TBC1D32: variants seen among roughly 807,000 people sequenced by gnomAD.
TBC1D32 encodes protein broad-minded.
A neutral mutation model predicts 170.3 loss-of-function variants in TBC1D32; 151 were observed. The ratio of observed to expected loss-of-function variants is 0.89; its 90% CI spans 0.78 to 1.01. The LOEUF (loss-of-function observed/expected upper bound fraction) is 1.01, where lower values mean the gene tolerates loss of function less well. Among genes scored for constraint, TBC1D32 ranks in the 50% least tolerant of loss-of-function variants. TBC1D32 has a pLI of 0.00. For missense variants in TBC1D32, 1,464 were observed against 1,457.1 expected (o/e 1.00, Z -0.08); for synonymous variants, 498 against 488.0 (o/e 1.02, Z -0.27).
intron 24 of TBC1D32, among the ~76,000 whole-genome samples, chr6:121,149,096 G>A (rs1056009672): frequency 6.4e-4 from 97 of 152,108 alleles, no homozygotes; most frequent in Non-Finnish European, 2.1e-4. Context: ...CTCACTGTTT[G>A]ATGGGGTTGG....
At chr6:121,121,684 T>G (rs926947595) in intron 26 of TBC1D32, among the ~76,000 whole-genome samples, 2 of 152,068 alleles carry the variant, frequency 1.3e-5, no homozygotes, top group Non-Finnish European at 2.9e-5. Flanking sequence ...AGACACTAAT[T>G]GACACATTTT....
chr6:121,096,470 C>T (rs999410124), intron 30 of TBC1D32, among the ~76,000 whole-genome samples: 13 of 151,902 alleles, frequency 8.6e-5, no homozygotes, highest in African/African-American at 2.7e-4. Context: ...AATAAAATAC[C>T]TAGGAATACA....
chr6:121,128,524 T>C (rs1438242885), intron 25 of TBC1D32, among the ~76,000 whole-genome samples: 2 of 152,130 alleles, frequency 1.3e-5, no homozygotes, highest in African/African-American at 4.8e-5. Context: ...GATGTTACTG[T>C]CCAGAAAGTA....
intron 1 of TBC1D32, 61 bp downstream of exon 1, chr6:121,334,215 C>G: frequency 7.1e-7 from 1 of 1,413,146 alleles, no homozygotes; most frequent in Non-Finnish European, 9.8e-7. Context: ...ACTGTTGACC[C>G]TTCTCTGGAC....
chr6:121,192,580 C>T (rs1338338511), intron 22 of TBC1D32: 1 of 152,154 alleles, frequency 6.6e-6, no homozygotes, highest in African/African-American at 2.4e-5. Flanking sequence ...AAAACACATG[C>T]AAGCTCTTAT....
chr6:121,244,193 T>C (rs562472641), intron 17 of TBC1D32, among the ~76,000 whole-genome samples: 1 of 152,006 alleles, frequency 6.6e-6, no homozygotes, highest in East Asian at 1.9e-4. Flanking sequence ...AAAATTTATA[T>C]AATAAATAAA....
chr6:121,158,550 T>C (rs1785196267), intron 24 of TBC1D32, among the ~76,000 whole-genome samples: 1 of 152,084 alleles, frequency 6.6e-6, no homozygotes, highest in African/African-American at 2.4e-5. Flanking sequence ...GGGAAACTAG[T>C]GCATTTGGTT....
intron 17 of TBC1D32, among the ~76,000 whole-genome samples, chr6:121,247,695 CAAAAAAAAAA>C (rs34914027): frequency 2.1e-5 from 1 of 46,570 alleles, no homozygotes; most frequent in Non-Finnish European, 3.5e-5. Context: ...GGCTTTAAAG[CAAAAAAAAAA>C]AAAAAAAAAA....
At chr6:121,236,882 C>T (rs955044259) in intron 20 of TBC1D32, 19 of 152,084 alleles carry the variant, frequency 1.2e-4, no homozygotes, top group Admixed American at 2.0e-4. Flanking sequence ...ATAAACCCCA[C>T]TATGTATCAT....
At chr6:121,170,539 A>T in intron 22 of TBC1D32, 1 of 1,500,000 alleles carries the variant, frequency 6.7e-7, no homozygotes, top group Non-Finnish European at 8.9e-7. Context: ...TATATAAAAA[A>T]GAAAAATAAA....
At chr6:121,320,032 G>A (rs1020017967) in intron 2 of TBC1D32, among the ~76,000 whole-genome samples, 2 of 151,982 alleles carry the variant, frequency 1.3e-5, no homozygotes, top group East Asian at 1.9e-4. Context: ...CTCATTATAT[G>A]AGGAATAGTG....
chr6:121,176,755 C>G (rs550503510), intron 22 of TBC1D32, among the ~76,000 whole-genome samples: 7 of 152,176 alleles, frequency 4.6e-5, no homozygotes, highest in Admixed American at 1.3e-4. Flanking sequence ...CGCGCCACCA[C>G]GCCCAGCTAA....
intron 21 of TBC1D32, among the ~76,000 whole-genome samples, chr6:121,208,718 C>A (rs1948733): frequency 7.6e-6 from 1 of 132,318 alleles, no homozygotes. Flanking sequence ...CAACAAGACA[C>A]GAAACACCTG....
At chr6:121,144,927 A>C (rs746334853) in intron 24 of TBC1D32, among the ~76,000 whole-genome samples, 1 of 152,188 alleles carries the variant, frequency 6.6e-6, no homozygotes, top group Non-Finnish European at 1.5e-5. Context: ...ATTTTCTGGA[A>C]GTCAAATGAA....
At chr6:121,329,530 T>C (rs549467753) in intron 1 of TBC1D32, among the ~76,000 whole-genome samples, 6 of 152,182 alleles carry the variant, frequency 3.9e-5, no homozygotes, top group African/African-American at 1.4e-4. Flanking sequence ...CAAACACCTG[T>C]AATCTTAGCT....
intron 31 of TBC1D32, among the ~76,000 whole-genome samples, chr6:121,089,305 T>C (rs1472731818): frequency 6.6e-6 from 1 of 152,036 alleles, no homozygotes; most frequent in Non-Finnish European, 1.5e-5. Context: ...CAAAAACACA[T>C]ATAAAATAAT....
chr6:121,095,474 A>G (rs1421242865), intron 30 of TBC1D32, among the ~76,000 whole-genome samples: 1 of 152,132 alleles, frequency 6.6e-6, no homozygotes, highest in Admixed American at 6.6e-5. Context: ...ACTATGTTGA[A>G]TAGGAGTGGT....
At chr6:121,306,229 C>A (rs1323934329) in intron 5 of TBC1D32, among the ~76,000 whole-genome samples, 1 of 152,150 alleles carries the variant, frequency 6.6e-6, no homozygotes, top group African/African-American at 2.4e-5. Flanking sequence ...TAAACACCTT[C>A]CCTTTATGAG....
intron 25 of TBC1D32, among the ~76,000 whole-genome samples, chr6:121,127,821 T>C (rs1394688984): frequency 6.6e-6 from 1 of 152,160 alleles, no homozygotes; most frequent in African/African-American, 2.4e-5. Context: ...CTTTTATAAC[T>C]CCAAACATAA....
Sources: allele counts gnomAD v4.1 joint callset (sites outside exome capture counted in the v4.1 genomes callset), GRCh38; gene constraint gnomAD v4.1.1; transcripts MANE v1.5; gene names NCBI Gene and HGNC (gene_info 2026-07-23, HGNC 2026-07-21).